The following RABGAP1L variants were observed in gnomAD, a reference collection of about 807,000 sequenced individuals.
The protein encoded by RABGAP1L is RAB GTPase activating protein 1 like.
A neutral mutation model predicts 137.7 loss-of-function variants in RABGAP1L; 63 were observed. The observed-to-expected ratio is 0.46, with a 90% CI of 0.37 to 0.56. The LOEUF (loss-of-function observed/expected upper bound fraction) is 0.56. Ranked by LOEUF, RABGAP1L falls within the 20% of genes least tolerant of loss-of-function variation. The pLI is 0.00. For missense variants in RABGAP1L, 1,095 were observed against 1,244.0 expected, an observed-to-expected ratio of 0.88 and a Z score of 1.80; for synonymous variants, 431 against 433.7, an observed-to-expected ratio of 0.99 and a Z score of 0.08.
At chr1:174,883,117 C>G (rs191089659) in intron 19 of RABGAP1L, among the ~76,000 whole-genome samples, 21 of 152,268 alleles carry the variant, frequency 1.4e-4, no homozygotes, top group Admixed American at 5.9e-4. Flanking sequence ...AGCCACCACG[C>G]CTGGCCTCTA....
At chr1:174,621,611 C>T (rs1291029816) in intron 13 of RABGAP1L, among the ~76,000 whole-genome samples, 1 of 152,110 alleles carries the variant, frequency 6.6e-6, no homozygotes, top group Non-Finnish European at 1.5e-5. Context: ...GAAAGGATTC[C>T]CTATTTAATA....
chr1:174,917,690 T>C (rs1453041786), intron 19 of RABGAP1L, among the ~76,000 whole-genome samples: 1 of 152,184 alleles, frequency 6.6e-6, no homozygotes, highest in Non-Finnish European at 1.5e-5. Context: ...CCCAGCACTT[T>C]GGGAGGCTGA....
chr1:174,230,560 G>A (rs1385068398), intron 3 of RABGAP1L, among the ~76,000 whole-genome samples: 1 of 152,142 alleles, frequency 6.6e-6, no homozygotes, highest in Non-Finnish European at 1.5e-5. Context: ...TTATAGGGAG[G>A]ATACATATCT....
intron 13 of RABGAP1L, among the ~76,000 whole-genome samples, chr1:174,429,986 A>C (rs1047050531): frequency 1.7e-4 from 26 of 152,296 alleles, no homozygotes; most frequent in African/African-American, 6.3e-4. Flanking sequence ...ATGAAACTAA[A>C]GATGCTTCTT....
intron 12 of RABGAP1L, among the ~76,000 whole-genome samples, chr1:174,383,985 T>C (rs922379487): frequency 6.6e-6 from 1 of 152,178 alleles, no homozygotes; most frequent in Non-Finnish European, 1.5e-5. Context: ...TGTGAATGTT[T>C]ATGATAGCCT....
chr1:174,801,288 T>C (rs1688739252), intron 18 of RABGAP1L, among the ~76,000 whole-genome samples: 1 of 152,236 alleles, frequency 6.6e-6, no homozygotes, highest in Admixed American at 6.5e-5. Flanking sequence ...GTCTGTTTTA[T>C]AGAATGGAGT....
intron 10 of RABGAP1L, among the ~76,000 whole-genome samples, chr1:174,295,544 G>C (rs947478626): frequency 2.0e-5 from 3 of 151,894 alleles, no homozygotes; most frequent in Non-Finnish European, 2.9e-5. Flanking sequence ...CACCAGGCCT[G>C]GCTAATTTTT....
chr1:174,284,717 C>T (rs1393021046), intron 10 of RABGAP1L, among the ~76,000 whole-genome samples: 2 of 136,306 alleles, frequency 1.5e-5, no homozygotes, highest in African/African-American at 2.7e-5. Context: ...TTCTCACCAA[C>T]ATTTGTTATT....
intron 19 of RABGAP1L, among the ~76,000 whole-genome samples, chr1:174,929,355 G>C (rs957974521): frequency 2.6e-5 from 4 of 152,162 alleles, no homozygotes; most frequent in Non-Finnish European, 5.9e-5. Flanking sequence ...ATTTACTACT[G>C]TCTTCCTCAC....
At chr1:174,950,134 A>G (rs748012237) in intron 19 of RABGAP1L, among the ~76,000 whole-genome samples, 1 of 152,184 alleles carries the variant, frequency 6.6e-6, no homozygotes, top group Non-Finnish European at 1.5e-5. Flanking sequence ...AGCACCATAG[A>G]TTGTATGTTA....
intron 19 of RABGAP1L, among the ~76,000 whole-genome samples, chr1:174,861,285 C>G (rs1352412934): frequency 8.5e-5 from 13 of 152,104 alleles, no homozygotes; most frequent in Non-Finnish European, 1.5e-5. Context: ...TTTTTTATGA[C>G]TGAATAATAT....
intron 11 of RABGAP1L, among the ~76,000 whole-genome samples, chr1:174,341,786 A>G (rs1681995760): frequency 6.6e-6 from 1 of 152,156 alleles, no homozygotes; most frequent in South Asian, 2.1e-4. Context: ...TGCTTAATGA[A>G]ATGTGTTTCA....
chr1:174,434,130 C>T (rs1247263331), intron 13 of RABGAP1L, among the ~76,000 whole-genome samples: 2 of 151,840 alleles, frequency 1.3e-5, no homozygotes, highest in Non-Finnish European at 2.9e-5. Context: ...CACACACACA[C>T]ACACACACAC....
At chr1:174,313,583 G>A (rs779309393) in intron 11 of RABGAP1L, among the ~76,000 whole-genome samples, 2 of 152,156 alleles carry the variant, frequency 1.3e-5, no homozygotes, top group Non-Finnish European at 2.9e-5. Context: ...CATCCTGGTT[G>A]TGTTCCAGAT....
intron 5 of RABGAP1L, among the ~76,000 whole-genome samples, chr1:174,249,473 T>C (rs1015100501): frequency 2.6e-5 from 4 of 152,214 alleles, no homozygotes; most frequent in Non-Finnish European, 4.4e-5. Flanking sequence ...ATTCAATTTC[T>C]TGTATATTTT....
At position 174,982,873 on chromosome 1, in the gene RABGAP1L, G is replaced by A. The variant is rs1456670279; in HGVS notation, c.2773G>A (p.Ala925Thr). The change falls in exon 24 of 26, where the codon GCA (alanine) becomes ACA (threonine). Residue 925 changes from alanine (A) to threonine (T), a missense_variant. Transcript: ENST00000681986. ...GAGTACCAGGCTGGAGAAACAGCAA[G>A]CAGCCAGCAAGGAGGAGCTGGAAGT... Reference protein sequence around the residue: ...QLSTRLEKQQAASKEELEVVK... With the variant: ...QLSTRLEKQQTASKEELEVVK... 1.9e-6 allele frequency: 3 copies of A among 1,550,506 alleles called. No individual in the cohort carries two copies. The Admixed American group carries it at 5.9e-5, about 30-fold the overall frequency.
At chr1:174,467,380 T>C (rs1323292598) in intron 13 of RABGAP1L, among the ~76,000 whole-genome samples, 4 of 151,630 alleles carry the variant, frequency 2.6e-5, no homozygotes, top group African/African-American at 9.8e-5. Flanking sequence ...TACTTTGATA[T>C]TTCTTTGTTT....
intron 10 of RABGAP1L, among the ~76,000 whole-genome samples, chr1:174,285,732 A>G (rs1366547501): frequency 6.6e-6 from 1 of 152,110 alleles, no homozygotes; most frequent in Non-Finnish European, 1.5e-5. Flanking sequence ...TGGGCTTGTC[A>G]TATATGGTCT....
At chr1:174,597,638 CA>C (rs1167697254) in intron 13 of RABGAP1L, among the ~76,000 whole-genome samples, 1 of 151,578 alleles carries the variant, frequency 6.6e-6, no homozygotes, top group African/African-American at 2.4e-5. Context: ...ATTTTGTTTT[CA>C]AAAAACTTTT....
Sources: allele counts gnomAD v4.1 joint callset (sites outside exome capture counted in the v4.1 genomes callset), GRCh38; gene constraint gnomAD v4.1.1; transcripts MANE v1.5; gene names NCBI Gene and HGNC (gene_info 2026-07-23, HGNC 2026-07-21).